Variants in PDLIM5 observed in about 807,000 individuals in gnomAD.
The protein encoded by PDLIM5 is PDZ and LIM domain 5, also known as PDZ and LIM domain protein 5.
A neutral mutation model predicts 64.2 loss-of-function variants in PDLIM5; 34 were observed. The observed-to-expected ratio is 0.53, with a 90% confidence interval of 0.40 to 0.71. The LOEUF is 0.71. PDLIM5 is among the 30% of genes least tolerant of loss of function. PDLIM5 has a pLI of 0.00. For missense variants in PDLIM5, 683 were observed against 733.6 expected (o/e 0.93, Z 0.80); for synonymous variants, 253 against 269.1 (o/e 0.94, Z 0.59).
intron 2 of PDLIM5, among the ~76,000 whole-genome samples, chr4:94,463,052 C>T (rs1724040708): frequency 6.6e-6 from 1 of 152,234 alleles, no homozygotes; most frequent in African/African-American, 2.4e-5. Flanking sequence ...TTATCTCCAT[C>T]ATTTGTTTCC....
At chr4:94,543,778 CTGTGTGTGTGTGTGTGTGTGTGTGTGTG>C (rs60929032) in intron 3 of PDLIM5, among the ~76,000 whole-genome samples, 8,076 of 132,138 alleles carry the variant, frequency 0.061, 300 homozygotes, top group African/African-American at 0.11. Flanking sequence ...TAGTATTCCA[CTGTGTGTGTGTGTGTGTGTGTGTGTGTG>C]TGTGTGTGTG....
chr4:94,505,923 A>G (rs2110092965), intron 2 of PDLIM5, among the ~76,000 whole-genome samples: 1 of 152,228 alleles, frequency 6.6e-6, no homozygotes, highest in Middle Eastern at 3.4e-3. Flanking sequence ...TTGGTGATCA[A>G]CTCAAACTTC....
rs527473254 is a variant in PDLIM5 at position 94,524,673 on chromosome 4, A to G, written c.248+798A>G. Reference sequence around the variant, plus strand: ...ATAATTAATCATCACATTGTTTATAATATATCAGGTATTTTGAGCATCCCA... The same window carrying G: ...ATAATTAATCATCACATTGTTTATAGTATATCAGGTATTTTGAGCATCCCA... On this transcript the variant is annotated intron_variant, in intron 3 of 12. Transcript: ENST00000317968. Among the ~76,000 whole-genome samples, 28 of 152,282 alleles carry G rather than the reference A, an allele frequency of 1.8e-4. No homozygotes were observed. In the South Asian group the frequency reaches 3.5e-3, roughly 19 times the overall value.
At chr4:94,464,344 G>A (rs1384335152) in intron 2 of PDLIM5, among the ~76,000 whole-genome samples, 1 of 152,132 alleles carries the variant, frequency 6.6e-6, no homozygotes, top group African/African-American at 2.4e-5. Flanking sequence ...ACCATTGATT[G>A]GATCAGGGAT....
At chr4:94,636,712 T>G (rs1442466781) in intron 8 of PDLIM5, among the ~76,000 whole-genome samples, 2 of 152,074 alleles carry the variant, frequency 1.3e-5, no homozygotes, top group African/African-American at 4.8e-5. Context: ...TTTTTTTGTA[T>G]TTTTAGTAGA....
intron 2 of PDLIM5, among the ~76,000 whole-genome samples, chr4:94,471,718 A>G (rs1207798104): frequency 6.6e-6 from 1 of 152,150 alleles, no homozygotes; most frequent in Non-Finnish European, 1.5e-5. Flanking sequence ...TACCTGTCAA[A>G]TAAGGGTAAA....
chr4:94,630,270 GTTGTTT>G (rs1408488783), intron 8 of PDLIM5, among the ~76,000 whole-genome samples: 1 of 152,132 alleles, frequency 6.6e-6, no homozygotes, highest in African/African-American at 2.4e-5. Flanking sequence ...AGTTGAGCCA[GTTGTTT>G]TTCACACCAT....
chr4:94,594,508 A>G (rs1350486687), intron 7 of PDLIM5, among the ~76,000 whole-genome samples: 3 of 152,096 alleles, frequency 2.0e-5, no homozygotes, highest in African/African-American at 7.2e-5. Context: ...ACTATTAATA[A>G]TAGAAAGTTA....
intron 3 of PDLIM5, among the ~76,000 whole-genome samples, chr4:94,547,024 C>G (rs1334193719): frequency 6.6e-6 from 1 of 151,850 alleles, no homozygotes; most frequent in Non-Finnish European, 1.5e-5. Context: ...ATCCCAGAAA[C>G]CCCAGAACAT....
intron 8 of PDLIM5, among the ~76,000 whole-genome samples, chr4:94,628,846 T>C (rs1448009158): frequency 6.6e-6 from 1 of 152,244 alleles, no homozygotes; most frequent in Non-Finnish European, 1.5e-5. Flanking sequence ...GCTTACAAAG[T>C]CTGCATGAGT....
chr4:94,514,137 T>C (rs927646562), intron 2 of PDLIM5, among the ~76,000 whole-genome samples: 14 of 147,436 alleles, frequency 9.5e-5, no homozygotes, highest in South Asian at 2.2e-4. Flanking sequence ...TATTTTCTTT[T>C]TTTTTTTTTT....
chr4:94,582,145 A>G (rs1030845918), intron 5 of PDLIM5, among the ~76,000 whole-genome samples: 5 of 152,212 alleles, frequency 3.3e-5, no homozygotes, highest in African/African-American at 1.2e-4. Flanking sequence ...TTATTCTTTT[A>G]TAACATATGA....
At chr4:94,470,938 G>A (rs1232551655) in intron 2 of PDLIM5, among the ~76,000 whole-genome samples, 12 of 152,118 alleles carry the variant, frequency 7.9e-5, no homozygotes, top group African/African-American at 9.7e-5. Context: ...TGGTGGAAGC[G>A]AAGGAGGAGC....
At chr4:94,544,206 G>A (rs1342072617) in intron 3 of PDLIM5, among the ~76,000 whole-genome samples, 2 of 151,820 alleles carry the variant, frequency 1.3e-5, no homozygotes, top group African/African-American at 2.4e-5. Flanking sequence ...AAGGACATTC[G>A]TCATTGGATT....
chr4:94,651,466 A>G (rs546300438), intron 9 of PDLIM5, among the ~76,000 whole-genome samples: 1 of 152,344 alleles, frequency 6.6e-6, no homozygotes, highest in East Asian at 1.9e-4. Context: ...TATTCCAGCA[A>G]GTTTGTAAAA....
chr4:94,560,202 G>A (rs1170732698), intron 3 of PDLIM5, among the ~76,000 whole-genome samples: 1 of 152,142 alleles, frequency 6.6e-6, no homozygotes, highest in Non-Finnish European at 1.5e-5. Flanking sequence ...AGGAGTCATT[G>A]AGTTCACCTT....
At chr4:94,649,064 C>T (rs1741639508) in intron 9 of PDLIM5, among the ~76,000 whole-genome samples, 1 of 152,058 alleles carries the variant, frequency 6.6e-6, no homozygotes, top group African/African-American at 2.4e-5. Context: ...CAACCTCCGC[C>T]TCCTGGGTTC....
chr4:94,640,390 C>T lies in PDLIM5; in HGVS notation c.1223C>T (p.Ala408Val). The stretch of plus-strand genomic sequence containing the variant: ...GACCAGGACACTTTAGTGCAAAGAG[C>T]TGAGCACATTCCAGCAGGGAAACGA... ...PSDQDTLVQR[A>V]EHIPAGKRTP... The change falls in exon 9 of 13, where the codon GCT (alanine) becomes GTT (valine). Residue 408 changes from alanine (A) to valine (V), a missense_variant. Physicochemically the swap from Ala to Val is moderately conservative, Grantham distance 64. Coordinates refer to ENST00000317968, the MANE Select transcript of PDLIM5 (RefSeq NM_006457.5). 2 of 1,612,616 alleles carry T rather than the reference C, an allele frequency of 1.2e-6. No individual in the cohort carries two copies. The highest frequency in any genetic ancestry group is 1.7e-6 in the Non-Finnish European group (2 of 1,179,062).
rs554059778 is a variant in PDLIM5 at position 94,645,571 on chromosome 4, TGA to T, written c.1283+5123_1283+5124del. ...ATTCATTCATTCATTAAATATTTAT[TGA>T]GGGTCCTATAATGAACCAGGCACTG... is the stretch of plus-strand genomic sequence containing the variant. On this transcript the variant is annotated intron_variant, in intron 9 of 12. Transcript: ENST00000317968. Among the ~76,000 whole-genome samples, 567 of 152,318 alleles carry T rather than the reference TGA, an allele frequency of 3.7e-3. 3 individuals carry two copies. Among genetic ancestry groups the T allele is most frequent in the Middle Eastern group, 6.8e-3 (2 of 294 alleles).
Sources: gnomAD v4.1 joint callset for allele counts (sites outside exome capture counted in the v4.1 genomes callset) on GRCh38, gnomAD v4.1.1 for gene constraint, MANE v1.5 for transcripts, NCBI Gene and HGNC (gene_info 2026-07-23, HGNC 2026-07-21) for gene names.